The following ZFP90 variants were observed in gnomAD, a reference collection of about 807,000 sequenced individuals.
ZFP90 encodes ZFP90 zinc finger protein.
In ZFP90, 38 loss-of-function variants were observed where a neutral mutation model predicts 60.8. That is an observed-to-expected ratio of 0.62 (90% CI 0.48 to 0.82). The LOEUF (loss-of-function observed/expected upper bound fraction) is 0.82. Among genes scored for constraint, ZFP90 ranks in the 40% least tolerant of loss-of-function variants. The probability of loss-of-function intolerance (pLI) is 0.00; values close to 1 mark genes in which losing one functional copy is unlikely to be tolerated. For synonymous variants in ZFP90, 287 were observed against 264.8 expected (o/e 1.08, Z -0.82); for missense variants, 711 against 759.1 (o/e 0.94, Z 0.74).
Position 68,563,633 on chromosome 16 carries a change from T to C in ZFP90, c.846T>C (p.Phe282=). Residue 282 remains phenylalanine (F), a synonymous_variant, in exon 5 of 5, where the codon TTT becomes TTC. Coordinates refer to ENST00000563169, the MANE Select transcript of ZFP90 (RefSeq NM_001305203.2). ...GAATTCACACTGGGGAGAAACCCTT[T>C]GAATGCAATGTATGTGGAAAGGCCT... The part of the protein sequence containing the change: ...HQRIHTGEKP[F]ECNVCGKAFR... 6.2e-7 allele frequency: 1 copy of C among 1,614,184 alleles called. No individual in the cohort carries two copies. The highest frequency in any genetic ancestry group is 1.7e-5 in the Admixed American group (1 of 60,016).
At position 68,564,495 on chromosome 16, in the gene ZFP90, C is replaced by T; in HGVS notation, c.1708C>T (p.Gln570Ter). ...KAFSQSSSLI[Q>*]HERTHTGEKP... ...CTTTAGTCAAAGTTCATCTCTCATT[C>T]AGCATGAGAGAACTCATACTGGAGA... The change falls in exon 5 of 5, where the codon CAG becomes TAG. Residue 570 changes from glutamine to a stop codon, truncating the protein, a stop_gained. Transcript: ENST00000563169. LOFTEE classifies it high-confidence loss of function. The T allele has an allele frequency of 6.2e-7, 1 of 1,613,922 alleles. No individual in the cohort carries two copies. Among genetic ancestry groups the T allele is most frequent in the Non-Finnish European group, 8.5e-7 (1 of 1,179,948 alleles).
chr16:68,537,320 T>G (rs1339801144), upstream of ZFP90, among the ~76,000 whole-genome samples: 1 of 151,978 alleles, frequency 6.6e-6, no homozygotes, highest in African/African-American at 2.4e-5. Flanking sequence ...GAGATGGGGT[T>G]TTACTATGTT....
upstream of ZFP90, among the ~76,000 whole-genome samples, chr16:68,535,284 GT>G (rs2090951962): frequency 6.6e-6 from 1 of 152,194 alleles, no homozygotes; most frequent in African/African-American, 2.4e-5. Flanking sequence ...TAGGAACCAG[GT>G]TTGGTTACAA....
Position 68,567,091 on chromosome 16 carries a change from ACAT to A in ZFP90, c.*2397_*2399del, listed in dbSNP as rs2091540483. ...GGGCTACGTGAAATGCATCCTTGTA[ACAT>A]CATTGTATTCTTTCAATAAATAGCC... On this transcript the variant is annotated 3_prime_UTR_variant, in exon 5 of 5. Transcript: ENST00000563169. The A allele has an allele frequency of 1.0e-6, 1 of 985,574 alleles. No homozygotes were observed. Among genetic ancestry groups the A allele is most frequent in the Non-Finnish European group, 1.2e-6 (1 of 829,926 alleles). 61.1% of individuals were successfully genotyped at this position (985,574 alleles called of 1,614,324 possible). A position where few individuals can be genotyped will look rare whatever the true frequency, so the allele number is the denominator to read the frequency against.
At chr16:68,545,489 A>T (rs2091132735) in intron 2 of ZFP90, among the ~76,000 whole-genome samples, 1 of 152,198 alleles carries the variant, frequency 6.6e-6, no homozygotes, top group Admixed American at 6.5e-5. Flanking sequence ...ATTTGTCTTT[A>T]GGATGTTAGG....
intron 4 of ZFP90, among the ~76,000 whole-genome samples, chr16:68,560,763 G>C (rs1259331264): frequency 6.6e-6 from 1 of 151,716 alleles, no homozygotes; most frequent in African/African-American, 2.4e-5. Context: ...CTACTAAACT[G>C]CTATTGGCCA....
upstream of ZFP90, among the ~76,000 whole-genome samples, chr16:68,536,263 C>T (rs1005041271): frequency 7.2e-5 from 11 of 152,096 alleles, no homozygotes; most frequent in Non-Finnish European, 1.5e-4. Context: ...CGGTGGTGAA[C>T]GCTGCCTTCC....
chr16:68,558,090 G>C lies in ZFP90; in HGVS notation c.126G>C (p.Val42=). The C allele has an allele frequency of 6.2e-7, 1 of 1,613,900 alleles. No individual in the cohort carries two copies. Among genetic ancestry groups the C allele is most frequent in the Non-Finnish European group, 8.5e-7 (1 of 1,179,954 alleles). ...DPAQRSLYRD[V]MLENYSHLVS... ...CTCAGAGGAGCTTATACAGGGATGT[G>C]ATGCTGGAGAACTATAGCCACCTGG... Residue 42 remains valine (V), a synonymous_variant, in exon 3 of 5, where the codon GTG becomes GTC. Coordinates refer to ENST00000563169, the MANE Select transcript of ZFP90 (RefSeq NM_001305203.2).
intron 4 of ZFP90, chr16:68,562,453 TAGA>T: frequency 6.6e-6 from 1 of 152,486 alleles, no homozygotes; most frequent in Admixed American, 6.5e-5. Context: ...GGAGCTCAAA[TAGA>T]TGAAAACCAC....
chr16:68,545,931 T>C (rs1448881170), intron 2 of ZFP90, among the ~76,000 whole-genome samples: 1 of 152,216 alleles, frequency 6.6e-6, no homozygotes, highest in East Asian at 1.9e-4. Flanking sequence ...TCCCAGCACT[T>C]TGGGAGGCCG....
At chr16:68,543,130 G>A (rs1263184696) in intron 2 of ZFP90, among the ~76,000 whole-genome samples, 1 of 152,132 alleles carries the variant, frequency 6.6e-6, no homozygotes, top group Non-Finnish European at 1.5e-5. Context: ...ACTTGAAGGC[G>A]ATGAGGGAGT....
At chr16:68,537,001 G>A (rs2090965390), upstream of ZFP90, among the ~76,000 whole-genome samples, 1 of 152,032 alleles carries the variant, frequency 6.6e-6, no homozygotes, top group African/African-American at 2.4e-5. Context: ...CTCTGCTAAG[G>A]TACATTAGGC....
chr16:68,538,706 C>CA (rs34774456), upstream of ZFP90, among the ~76,000 whole-genome samples: 543 of 145,264 alleles, frequency 3.7e-3, 4 homozygotes, highest in African/African-American at 5.2e-3. Context: ...AACTGTGTCT[C>CA]AAAAAAAAAA....
chr16:68,543,154 A>G (rs1172180018), intron 2 of ZFP90, among the ~76,000 whole-genome samples: 2 of 152,058 alleles, frequency 1.3e-5, no homozygotes, highest in African/African-American at 4.8e-5. Flanking sequence ...TGTGTAGGGG[A>G]AGAGTGCTCT....
At chr16:68,575,620 A>G (rs1483290647) in intron 2 of ZFP90, among the ~76,000 whole-genome samples, 1 of 150,668 alleles carries the variant, frequency 6.6e-6, no homozygotes, top group African/African-American at 2.4e-5. Context: ...AGGCAAGGGT[A>G]GTTATATGTA....
intron 2 of ZFP90, among the ~76,000 whole-genome samples, chr16:68,544,169 C>T (rs2091103584): frequency 6.6e-6 from 1 of 152,150 alleles, no homozygotes; most frequent in Admixed American, 6.6e-5. Flanking sequence ...TTTTTCATAA[C>T]ATGTGTACTA....
At chr16:68,544,837 G>A (rs1178644016) in intron 2 of ZFP90, among the ~76,000 whole-genome samples, 1 of 145,696 alleles carries the variant, frequency 6.9e-6, no homozygotes, top group Non-Finnish European at 1.5e-5. Context: ...TACCGCTCCT[G>A]TGTGTGCCCA....
intron 4 of ZFP90, among the ~76,000 whole-genome samples, chr16:68,559,956 C>A (rs770996005): frequency 5.3e-5 from 8 of 152,110 alleles, no homozygotes; most frequent in Non-Finnish European, 1.2e-4. Flanking sequence ...GCAGCCTTGA[C>A]CTCCTGGGCT....
chr16:68,565,329 G>T lies in ZFP90; in HGVS notation c.*631G>T. ...CTTGCCAGTGAAAAGGTTATTTTTG[G>T]ACTCAGAGGGCTTTAAAATAAATTT... On this transcript the variant is annotated 3_prime_UTR_variant, in exon 5 of 5. Transcript: ENST00000563169. 1.0e-6 allele frequency: 1 copy of T among 985,544 alleles called. No individual in the cohort carries two copies. The highest frequency in any genetic ancestry group is 1.2e-6 in the Non-Finnish European group (1 of 829,946). 61.0% of individuals were successfully genotyped at this position (985,544 alleles called of 1,614,324 possible). A position where few individuals can be genotyped will look rare whatever the true frequency, so the allele number is the denominator to read the frequency against.
Sources: gnomAD v4.1 joint callset for allele counts (sites outside exome capture counted in the v4.1 genomes callset) on GRCh38, gnomAD v4.1.1 for gene constraint, MANE v1.5 for transcripts, NCBI Gene and HGNC (gene_info 2026-07-23, HGNC 2026-07-21) for gene names.